DCTN2: variants seen among roughly 807,000 people sequenced by gnomAD.
DCTN2 encodes the protein 50 kDa dynein-associated polypeptide.
Under a neutral mutation model 55.4 loss-of-function variants are expected in DCTN2, and 18 were observed. The observed-to-expected ratio is 0.32, with a 90% confidence interval of 0.22 to 0.48. DCTN2 has a LOEUF of 0.48. Ranked by LOEUF, DCTN2 falls within the 20% of genes least tolerant of loss-of-function variation. The pLI is 0.99. For missense variants in DCTN2, 390 were observed against 491.0 expected, an observed-to-expected ratio of 0.79 and a Z score of 1.94; for synonymous variants, 168 against 185.2, an observed-to-expected ratio of 0.91 and a Z score of 0.76.
chr12:57,541,503 G>T, intron 2 of DCTN2: 2 of 930,000 alleles, frequency 2.2e-6, no homozygotes, highest in Non-Finnish European at 3.3e-6. Context: ...CTGTAAGGAA[G>T]TACTGTTTCT....
Position 57,534,399 on chromosome 12 carries a change from A to G in DCTN2, c.417T>C (p.Ala139=), listed in dbSNP as rs1565678595. 7 of 1,612,648 alleles carry G rather than the reference A, an allele frequency of 4.3e-6. No individual in the cohort carries two copies. The highest frequency in any genetic ancestry group is 5.9e-6 in the Non-Finnish European group (7 of 1,179,148). Residue 139 remains alanine (A), a synonymous_variant, in exon 6 of 14, where the codon GCT becomes GCC. Coordinates refer to ENST00000548249, the MANE Select transcript of DCTN2 (RefSeq NM_001261413.2). The part of the protein sequence containing the change: ...TEEKLTPVLL[A]KQLAALKQQL... ...GCTGCTTCAGGGCTGCCAGCTGTTT[A>G]GCCAGCAACACAGGGGTCAGCTTCT...
intron 13 of DCTN2, among the ~76,000 whole-genome samples, 197 bp from the exon 14 acceptor site, chr12:57,530,972 T>C (rs1374593847): frequency 3.9e-5 from 6 of 152,204 alleles, no homozygotes; most frequent in Admixed American, 2.0e-4. Context: ...CCCAAGCAGG[T>C]AGGACTCGAG....
chr12:57,546,987 G>A, intron 1 of DCTN2, 41 bp downstream of exon 1: 1 of 1,277,910 alleles, frequency 7.8e-7, no homozygotes. Context: ...TGGGAGGTCG[G>A]GGGCGCGGTC....
At chr12:57,538,465 C>A in intron 2 of DCTN2, 1 of 754,320 alleles carries the variant, frequency 1.3e-6, no homozygotes, top group Non-Finnish European at 2.4e-6. Flanking sequence ...AGAGAAACAA[C>A]TGCTCATCAT....
At chr12:57,538,600 G>A in intron 2 of DCTN2, 1 of 704,062 alleles carries the variant, frequency 1.4e-6, no homozygotes, top group Admixed American at 2.1e-5. Flanking sequence ...ATGAGGGAGG[G>A]AAAAAAAAGA....
intron 2 of DCTN2, among the ~76,000 whole-genome samples, chr12:57,536,676 C>T (rs988175260): frequency 6.6e-6 from 1 of 152,122 alleles, no homozygotes; most frequent in Admixed American, 6.5e-5. Flanking sequence ...CACAAGTAGG[C>T]GGTGAAAGAG....
intron 5 of DCTN2, 99 bp from the exon 6 acceptor site, chr12:57,534,551 C>G: frequency 7.5e-7 from 1 of 1,334,268 alleles, no homozygotes; most frequent in South Asian, 1.5e-5. Context: ...CTGGAGGTCA[C>G]TGGGATGGTT....
At chr12:57,538,689 C>T in intron 2 of DCTN2, 1 of 598,872 alleles carries the variant, frequency 1.7e-6, no homozygotes, top group Non-Finnish European at 3.0e-6. Flanking sequence ...CCCAGGGGAG[C>T]CTAGCGAAAT....
At chr12:57,535,626 A>C (rs1308532278) in intron 3 of DCTN2, 81 bp from the exon 4 acceptor site, 9 of 1,554,658 alleles carry the variant, frequency 5.8e-6, no homozygotes, top group Non-Finnish European at 8.0e-6. Context: ...GAGGGCTTCC[A>C]TAAAATATCT....
rs1194521714 is a variant in DCTN2, at chr12:57,530,666, T to C, written c.*23A>G. 1.3e-6 allele frequency: 2 copies of C among 1,599,988 alleles called. No homozygotes were observed. The highest frequency in any genetic ancestry group is 1.7e-6 in the Non-Finnish European group (2 of 1,167,796). ...AGTTCACAGGGGTAGGGATAACCCC[T>C]GTTCTCCAGCTCCCAAATGTGCTCA... On this transcript the variant is annotated 3_prime_UTR_variant, in exon 14 of 14. Transcript: ENST00000548249.
At position 57,530,519 on chromosome 12, in the gene DCTN2, CTG is replaced by C. The variant is rs1879567696; in HGVS notation, c.*168_*169del. 7.0e-6 allele frequency: 4 copies of C among 571,426 alleles called. No homozygotes were observed. Among genetic ancestry groups the C allele is most frequent in the East Asian group, 2.9e-5 (1 of 34,440 alleles). The allele number at this position is 571,426 out of a possible 1,614,324, so 35.4% of individuals were successfully genotyped here. ...TGATAACCAACCCCTAGCTACCACT[CTG>C]TATTCATCAGGGGAGGGGTATAAAC... On this transcript the variant is annotated 3_prime_UTR_variant, in exon 14 of 14. Coordinates refer to ENST00000548249, the MANE Select transcript of DCTN2 (RefSeq NM_001261413.2).
At position 57,532,824 on chromosome 12, in the gene DCTN2, T is replaced by C; in HGVS notation, c.775-14A>G. On this transcript the variant is annotated splice_polypyrimidine_tract_variant and intron_variant, in intron 9 of 13. Coordinates refer to ENST00000548249, the MANE Select transcript of DCTN2 (RefSeq NM_001261413.2). ...CTCTACAGTCTCCTGGGGATGGAAG[T>C]TGGGACAAGCATCATGAAGAGGAAA... 6.2e-7 allele frequency: 1 copy of C among 1,613,846 alleles called. No homozygotes were observed. The highest frequency in any genetic ancestry group is 8.5e-7 in the Non-Finnish European group (1 of 1,179,846).
chr12:57,533,524 T>C (rs1678506), intron 7 of DCTN2, among the ~76,000 whole-genome samples: 28,551 of 151,766 alleles, frequency 0.19, 2,920 homozygotes, highest in East Asian at 0.29. Context: ...GTAATCCCAG[T>C]GCTTTGGGAG....
chr12:57,541,493 C>G, intron 2 of DCTN2: 1 of 1,038,876 alleles, frequency 9.6e-7, no homozygotes, highest in Non-Finnish European at 1.5e-6. Context: ...ATCTTCTAAA[C>G]TGTAAGGAAG....
Position 57,530,698 on chromosome 12 carries a change from C to A in DCTN2, c.1197G>T (p.Leu399=). The A allele has an allele frequency of 6.2e-7, 1 of 1,613,814 alleles. No individual in the cohort carries two copies. Among genetic ancestry groups the A allele is most frequent in the Non-Finnish European group, 8.5e-7 (1 of 1,179,748 alleles). The change falls in exon 14 of 14, where the codon CTG becomes CTT. Residue 399 remains leucine, a synonymous_variant. Transcript: ENST00000548249. The part of the protein sequence containing the change: ...FASIDERMKK[L]GK ...CAGCTCCCAAATGTGCTCACTTTCC[C>A]AGCTTCTTCATCCGTTCATCAATGC...
intron 5 of DCTN2, 113 bp from the exon 6 acceptor site, chr12:57,534,565 A>T: frequency 8.7e-7 from 1 of 1,145,718 alleles, no homozygotes; most frequent in South Asian, 1.6e-5. Context: ...GATGGTTTTC[A>T]GCATGACAGA....
At position 57,541,346 on chromosome 12, in the gene DCTN2, A is replaced by G. The variant is rs748426869; in HGVS notation, c.105+4682T>C. On this transcript the variant is annotated intron_variant, in intron 2 of 13. Transcript: ENST00000548249. ...AGATGAAAAAAACATGCAGAGAAGA[A>G]GCATTGAATGGTCTTACTTGTGCAA... 3.8e-6 allele frequency: 6 copies of G among 1,598,756 alleles called. No homozygotes were observed. In the South Asian group the frequency reaches 5.5e-5, roughly 15 times the overall value.
intron 2 of DCTN2, among the ~76,000 whole-genome samples, chr12:57,544,363 T>C (rs1454420126): frequency 6.6e-6 from 1 of 152,074 alleles, no homozygotes; most frequent in Non-Finnish European, 1.5e-5. Flanking sequence ...AAATGCTATG[T>C]AAATAGTTGT....
At chr12:57,546,236 G>T in intron 1 of DCTN2, 140 bp from the exon 2 acceptor site, 1 of 731,302 alleles carries the variant, frequency 1.4e-6, no homozygotes. Flanking sequence ...CCTGCCCCGT[G>T]AGTCAACAGT....
Sources: allele counts gnomAD v4.1 joint callset (sites outside exome capture counted in the v4.1 genomes callset), GRCh38; gene constraint gnomAD v4.1.1; transcripts MANE v1.5; gene names NCBI Gene and HGNC (gene_info 2026-07-23, HGNC 2026-07-21).